The following AKAP13 variants were observed in gnomAD, a reference collection of about 807,000 sequenced individuals.
AKAP13 encodes A-kinase anchoring protein 13.
Under a neutral mutation model 264.5 loss-of-function variants are expected in AKAP13, and 80 were observed. The observed-to-expected ratio is 0.30, with a 90% confidence interval of 0.25 to 0.36. AKAP13 has a LOEUF of 0.36. AKAP13 is among the 10% of genes least tolerant of loss of function. AKAP13 has a pLI of 1.00. For synonymous variants in AKAP13, 1,380 were observed against 1,250.2 expected (o/e 1.10, Z -2.19); for missense variants, 3,712 against 3,435.2 (o/e 1.08, Z -2.01).
At position 85,727,332 on chromosome 15, in the gene AKAP13, A is replaced by G. The variant is rs770779661; in HGVS notation, c.7005-49A>G. 1.9e-6 allele frequency: 3 copies of G among 1,613,758 alleles called. No homozygotes were observed. The highest frequency in any genetic ancestry group is 2.2e-5 in the East Asian group (1 of 44,860). Reference sequence around the variant, plus strand: ...TAACAGGCTGGACTGTGACCAGAGTAATTGACATCTTAGGAATTTTTTGTT... The same window carrying G: ...TAACAGGCTGGACTGTGACCAGAGTGATTGACATCTTAGGAATTTTTTGTT... On this transcript the variant is annotated intron_variant, in intron 28 of 36. Transcript: ENST00000394518. The surrounding 1 kb of genome is among the most constrained non-coding windows in gnomAD (Gnocchi z 5.3).
At chr15:85,658,650 C>A (rs763867057) in intron 12 of AKAP13, 60 bp downstream of exon 12, 6 of 1,448,436 alleles carry the variant, frequency 4.1e-6, no homozygotes, top group Non-Finnish European at 5.8e-6. Context: ...TACTAACAAG[C>A]ATCTCATTCT....
At position 85,581,741 on chromosome 15, in the gene AKAP13, A is replaced by G. The variant is rs2079145286; in HGVS notation, c.3673A>G (p.Arg1225Gly). 6.2e-7 allele frequency: 1 copy of G among 1,614,176 alleles called. No individual in the cohort carries two copies. Among genetic ancestry groups the G allele is most frequent in the African/African-American group, 1.3e-5 (1 of 75,056 alleles). ...VMRAPPSGRE[R>G]STPSLPCMVS... ...GCGAGCCCCGCCTTCAGGCAGGGAA[A>G]GGAGCACTCCCTCTCTACCTTGCAT... Residue 1225 changes from arginine (R) to glycine (G), a missense_variant, in exon 7 of 37, where the codon AGG (arginine) becomes GGG (glycine). By Grantham distance (125) the Arg-to-Gly change is moderately radical (BLOSUM62 -2). Coordinates refer to ENST00000394518, the MANE Select transcript of AKAP13 (RefSeq NM_007200.5).
At chr15:85,721,957 C>G (rs2087319444) in intron 23 of AKAP13, 34 bp from the exon 24 acceptor site, 1 of 1,611,628 alleles carries the variant, frequency 6.2e-7, no homozygotes, top group Non-Finnish European at 8.5e-7. Context: ...GTTTGGCGCC[C>G]CATGGCATAA....
intron 1 of AKAP13, among the ~76,000 whole-genome samples, chr15:85,453,748 G>A (rs923699574): frequency 5.9e-5 from 9 of 152,030 alleles, no homozygotes; most frequent in African/African-American, 1.2e-4. Flanking sequence ...AAAGATGGTA[G>A]CCACCCCTTC....
intron 1 of AKAP13, among the ~76,000 whole-genome samples, chr15:85,414,222 TA>T (rs1184283254): frequency 6.6e-6 from 1 of 152,218 alleles, no homozygotes; most frequent in Non-Finnish European, 1.5e-5. Context: ...TTGTATTCTG[TA>T]AACAGGCTTT....
intron 10 of AKAP13, among the ~76,000 whole-genome samples, chr15:85,651,360 G>C (rs2082836580): frequency 6.6e-6 from 1 of 152,070 alleles, no homozygotes; most frequent in African/African-American, 2.4e-5. Flanking sequence ...TGTCCACCCA[G>C]TTTGCCTGAA....
Position 85,700,682 on chromosome 15 carries a change from C to T in AKAP13, c.5464+7231C>T, listed in dbSNP as rs112825713. 3.5e-3 allele frequency among the ~76,000 whole-genome samples: 534 copies of T among 152,302 alleles called. 5 individuals are homozygous for T. Among genetic ancestry groups the T allele is most frequent in the African/African-American group, 0.012 (504 of 41,570 alleles). ...GTGTATATTTAAAACTACATAAAAA[C>T]GTACCTTCTTAAAGGTATAATTCCC... On this transcript the variant is annotated intron_variant, in intron 17 of 36. Coordinates refer to ENST00000394518, the MANE Select transcript of AKAP13 (RefSeq NM_007200.5).
chr15:85,555,049 G>C (rs1368512007), intron 5 of AKAP13, among the ~76,000 whole-genome samples: 2 of 151,924 alleles, frequency 1.3e-5, no homozygotes, highest in Admixed American at 1.3e-4. Context: ...AAAAAGGAAG[G>C]AAAAGAGGAA....
intron 4 of AKAP13, among the ~76,000 whole-genome samples, chr15:85,537,288 A>C (rs964914758): frequency 1.3e-5 from 2 of 152,236 alleles, no homozygotes; most frequent in African/African-American, 4.8e-5. Context: ...TAGGTATTTA[A>C]AGGAGAAAGG....
At position 85,446,186 on chromosome 15, in the gene AKAP13, A is replaced by G. The variant is rs1225954059; in HGVS notation, c.-11-39524A>G. Among the ~76,000 whole-genome samples, 6 of 152,298 alleles carry G rather than the reference A, an allele frequency of 3.9e-5. No individual in the cohort carries two copies. In the South Asian group the frequency reaches 1.2e-3, roughly 32 times the overall value. On this transcript the variant is annotated intron_variant, in intron 1 of 36. Coordinates refer to ENST00000394518, the MANE Select transcript of AKAP13 (RefSeq NM_007200.5). ...AAAGATTTGACCAGAGAATTGACAC[A>G]TACTATATTGAAGTTGTGGGGCAGT...
chr15:85,662,454 G>T, intron 12 of AKAP13: 1 of 1,614,162 alleles, frequency 6.2e-7, no homozygotes, highest in Non-Finnish European at 8.5e-7. Flanking sequence ...ATTACAGAAG[G>T]TATGATATTG....
chr15:85,607,860 T>G (rs1280216650), intron 8 of AKAP13, among the ~76,000 whole-genome samples: 1 of 152,240 alleles, frequency 6.6e-6, no homozygotes, highest in Non-Finnish European at 1.5e-5. Flanking sequence ...AGTCTCTGAA[T>G]GAACAGAAGC....
chr15:85,555,572 C>A, intron 5 of AKAP13: 1 of 973,692 alleles, frequency 1.0e-6, no homozygotes, highest in Non-Finnish European at 1.4e-6. Context: ...TTTGCTGTAA[C>A]TCAACCTGAA....
intron 8 of AKAP13, among the ~76,000 whole-genome samples, chr15:85,612,664 A>AT (rs1273230027): frequency 1.2e-4 from 18 of 152,086 alleles, no homozygotes; most frequent in Non-Finnish European, 2.5e-4. Flanking sequence ...TCTACTAAAA[A>AT]TACAAGAATT....
At chr15:85,706,322 G>A (rs1051526058) in intron 17 of AKAP13, among the ~76,000 whole-genome samples, 3 of 152,184 alleles carry the variant, frequency 2.0e-5, no homozygotes, top group Non-Finnish European at 4.4e-5. Context: ...GCAGAAACAT[G>A]TTTTGGCTTA....
intron 1 of AKAP13, among the ~76,000 whole-genome samples, chr15:85,395,557 CTT>C: frequency 6.6e-6 from 1 of 152,198 alleles, no homozygotes; most frequent in African/African-American, 2.4e-5. Flanking sequence ...TAAAGTTACT[CTT>C]TTATTTGAAA....
Position 85,521,437 on chromosome 15 carries a change from G to A in AKAP13, c.43G>A (p.Val15Ile), listed in dbSNP as rs1391533675. The A allele has an allele frequency of 6.2e-7, 1 of 1,614,060 alleles. No homozygotes were observed. The highest frequency in any genetic ancestry group is 1.1e-5 in the South Asian group (1 of 91,060). Reference protein sequence around the residue: ...PQQAPLYGDCVVTVLLAEEDK... With the variant: ...PQQAPLYGDCIVTVLLAEEDK... ...TTGTTTCCTTTCCTAGGGTGATTGT[G>A]TTGTTACAGTGCTGCTTGCTGAAGA... The change falls in exon 3 of 37, where the codon GTT (valine) becomes ATT (isoleucine). Residue 15 changes from valine to isoleucine, a missense_variant. Val to Ile is a conservative substitution (Grantham distance 29, BLOSUM62 3). This residue lies in a region of AKAP13 where 2,759 missense variants were observed against 2,411.7 expected (regional missense o/e 1.14). Transcript: ENST00000394518.
rs765151701 is a variant in AKAP13 at position 85,669,730 on chromosome 15, C to G, written c.5001C>G (p.His1667Gln). 6.2e-6 allele frequency: 10 copies of G among 1,609,672 alleles called. No individual in the cohort carries two copies. Among genetic ancestry groups the G allele is most frequent in the Non-Finnish European group, 8.5e-6 (10 of 1,176,184 alleles). Residue 1667 changes from histidine to glutamine, a missense_variant, in exon 14 of 37, where the codon CAC (histidine) becomes CAG (glutamine). Physicochemically the swap from His to Gln is conservative, Grantham distance 24. Around this residue, in one of 3 missense-constraint regions of AKAP13, gnomAD observed 2,759 missense variants for 2,411.7 expected, o/e 1.14. Transcript: ENST00000394518. ...EHRMFDQQIC[H>Q]RSKQQGFNYC... ...ACTTTTTTACTTCACAGATATGTCA[C>G]AGATCTAAGCAGCAGGGATTTAATT...
At chr15:85,537,706 A>G (rs140175370) in intron 4 of AKAP13, among the ~76,000 whole-genome samples, 233 of 152,350 alleles carry the variant, frequency 1.5e-3, no homozygotes, top group African/African-American at 5.3e-3. Context: ...TCCTGGCTTC[A>G]TTGCAAGAGT....
Sources: allele counts gnomAD v4.1 joint callset (sites outside exome capture counted in the v4.1 genomes callset), GRCh38; gene constraint gnomAD v4.1.1; regional missense constraint gnomAD v4.1.1; non-coding constraint Gnocchi (gnomAD v3.1); transcripts MANE v1.5; gene names NCBI Gene and HGNC (gene_info 2026-07-23, HGNC 2026-07-21).